The following HUWE1 variants were observed in gnomAD, a reference collection of about 807,000 sequenced individuals.
HUWE1 encodes E3 ubiquitin-protein ligase HUWE1.
A neutral mutation model predicts 299.4 loss-of-function variants in HUWE1; 18 were observed. The observed-to-expected ratio is 0.06, with a 90% CI of 0.04 to 0.09. The LOEUF is 0.09. Ranked by LOEUF, HUWE1 falls within the 10% of genes least tolerant of loss-of-function variation. The pLI, the probability that HUWE1 is intolerant of heterozygous loss-of-function variation, is 1.00. For missense variants in HUWE1, 1,832 were observed against 3,462.3 expected (o/e 0.53, Z 11.82); for synonymous variants, 1,317 against 1,286.1 (o/e 1.02, Z -0.51).
At chrX:53,607,114 A>C (rs2065193606) in intron 25 of HUWE1, among the ~76,000 whole-genome samples, 2 of 111,672 alleles carry the variant, frequency 1.8e-5, no homozygotes, top group Admixed American at 9.5e-5. Context: ...CTACATGTCA[A>C]TTATGCTTAA....
chrX:53,646,682 T>C (rs1277875748), intron 6 of HUWE1, among the ~76,000 whole-genome samples: 2 of 111,900 alleles, frequency 1.8e-5, no homozygotes, highest in African/African-American at 3.2e-5. Context: ...AGTTCAGTTA[T>C]CCCACTTCTT....
In HUWE1 at chrX:53,578,663, A is replaced by G. The variant is rs62617497; in HGVS notation, c.5717-1596T>C. 4.6e-3 allele frequency among the ~76,000 whole-genome samples: 299 copies of G among 65,046 alleles called. 3 individuals carry two copies. The highest frequency in any genetic ancestry group is 0.017 in the African/African-American group (271 of 16,233). 56.5% of individuals were successfully genotyped at this position (65,046 alleles called of 115,157 possible). A position where few individuals can be genotyped will look rare whatever the true frequency, so the allele number is the denominator to read the frequency against. On this transcript the variant is annotated intron_variant, in intron 43 of 83. Coordinates refer to ENST00000262854, the MANE Select transcript of HUWE1 (RefSeq NM_031407.7). ...AGCCCCCCGCCCGGCCAGCCGCCCC[A>G]TCCGGGAGGGAGGTGGGGGGATCAG...
intron 74 of HUWE1, among the ~76,000 whole-genome samples, chrX:53,540,513 G>C (rs1051967381): frequency 9.0e-6 from 1 of 111,490 alleles, no homozygotes. Flanking sequence ...ATTTTTAGTA[G>C]AGACTTGGTT....
intron 81 of HUWE1, among the ~76,000 whole-genome samples, 180 bp downstream of exon 81, chrX:53,535,204 G>C (rs1303604582): frequency 2.7e-5 from 3 of 111,881 alleles, no homozygotes; most frequent in Non-Finnish European, 5.6e-5. Flanking sequence ...CAAAGTGCTG[G>C]GATTATAGGT....
intron 33 of HUWE1, among the ~76,000 whole-genome samples, chrX:53,592,160 G>C (rs1279999308): frequency 8.9e-6 from 1 of 111,858 alleles, no homozygotes; most frequent in Non-Finnish European, 1.9e-5. Context: ...GCAGCAGGAG[G>C]CTACTGAGAA....
At chrX:53,562,402 G>A (rs2062337693) in intron 53 of HUWE1, among the ~76,000 whole-genome samples, 158 bp from the exon 54 acceptor site, 1 of 111,111 alleles carries the variant, frequency 9.0e-6, no homozygotes, top group African/African-American at 3.3e-5. Context: ...AGCCAGACCC[G>A]ATTTCCTGAG....
intron 42 of HUWE1, among the ~76,000 whole-genome samples, chrX:53,581,748 A>G (rs1387357029): frequency 8.9e-6 from 1 of 111,753 alleles, no homozygotes; most frequent in Non-Finnish European, 1.9e-5. Flanking sequence ...TAATTATAAA[A>G]TAATTTCCAT....
chrX:53,554,511 T>A, intron 61 of HUWE1, 122 bp downstream of exon 61: 1 of 700,691 alleles, frequency 1.4e-6, no homozygotes, highest in Non-Finnish European at 2.2e-6. Flanking sequence ...CAAGACGAGA[T>A]CTTATTATTT....
At chrX:53,611,214 G>C (rs1428591988) in intron 23 of HUWE1, among the ~76,000 whole-genome samples, 3 of 99,100 alleles carry the variant, frequency 3.0e-5, no homozygotes, top group Non-Finnish European at 6.1e-5. Context: ...AAAAAAGAAA[G>C]GGTAGTGTCT....
At chrX:53,573,153 C>A (rs1246766890) in intron 47 of HUWE1, among the ~76,000 whole-genome samples, 2 of 111,828 alleles carry the variant, frequency 1.8e-5, no homozygotes, top group Non-Finnish European at 3.8e-5. Context: ...CCTCTTCAAT[C>A]TCCACAATGC....
intron 19 of HUWE1, among the ~76,000 whole-genome samples, chrX:53,623,974 G>A (rs965599908): frequency 8.9e-6 from 1 of 112,306 alleles, no homozygotes; most frequent in Non-Finnish European, 1.9e-5. Context: ...TAAACAAAAT[G>A]TATGATAATG....
chrX:53,637,006 C>T (rs1603226686), intron 7 of HUWE1, among the ~76,000 whole-genome samples: 1 of 112,342 alleles, frequency 8.9e-6, no homozygotes, highest in South Asian at 3.7e-4. Flanking sequence ...TGCAGTTATA[C>T]TTTCTTTCAA....
At chrX:53,576,729 CTA>C (rs2063123250) in intron 44 of HUWE1, among the ~76,000 whole-genome samples, 169 bp downstream of exon 44, 1 of 112,310 alleles carries the variant, frequency 8.9e-6, no homozygotes, top group Admixed American at 9.4e-5. Context: ...GTATGTCATA[CTA>C]TATGACTATT....
chrX:53,634,001 T>G (rs1285043441), intron 8 of HUWE1, among the ~76,000 whole-genome samples: 1 of 111,519 alleles, frequency 9.0e-6, no homozygotes, highest in African/African-American at 3.3e-5. Context: ...GAACTGGGTA[T>G]GAACACACAC....
intron 43 of HUWE1, among the ~76,000 whole-genome samples, chrX:53,577,854 C>T (rs1185374017): frequency 2.4e-4 from 24 of 98,445 alleles, no homozygotes; most frequent in South Asian, 4.3e-4. Flanking sequence ...AGTGCAGTGG[C>T]GTGATCTCGG....
In HUWE1 at chrX:53,645,481, G is replaced by T. The variant is rs782024100; in HGVS notation, c.352-18C>A. Reference sequence around the variant, plus strand: ...GTCAAATGCTAAAGGGACAAAAAAGGGCAAAGCTCAAGGTATCAGGCACAA... The same window carrying T: ...GTCAAATGCTAAAGGGACAAAAAAGTGCAAAGCTCAAGGTATCAGGCACAA... On this transcript the variant is annotated intron_variant, in intron 6 of 83. Transcript: ENST00000262854. 1 of 1,206,810 alleles carries T rather than the reference G, an allele frequency of 8.3e-7. No homozygotes were observed. Among genetic ancestry groups the T allele is most frequent in the Admixed American group, 2.2e-5 (1 of 45,840 alleles).
intron 3 of HUWE1, among the ~76,000 whole-genome samples, chrX:53,672,083 A>G (rs1440496338): frequency 2.7e-5 from 3 of 110,821 alleles, no homozygotes; most frequent in Non-Finnish European, 5.7e-5. Flanking sequence ...AGGGGTCAAT[A>G]TGTGGGAAGA....
intron 68 of HUWE1, 88 bp from the exon 69 acceptor site, chrX:53,546,913 C>T (rs2061561884): frequency 1.9e-6 from 2 of 1,073,171 alleles, no homozygotes; most frequent in Admixed American, 2.6e-5. Flanking sequence ...CGCTGAATTG[C>T]CCAGGGCTTC....
chrX:53,566,603 T>C (rs1025156709), intron 49 of HUWE1, among the ~76,000 whole-genome samples: 8 of 111,161 alleles, frequency 7.2e-5, no homozygotes, highest in Admixed American at 5.7e-4. Context: ...ACTACAGGCG[T>C]ACATGTCCAG....
Sources: allele counts gnomAD v4.1 joint callset (sites outside exome capture counted in the v4.1 genomes callset), GRCh38; gene constraint gnomAD v4.1.1; transcripts MANE v1.5; gene names NCBI Gene and HGNC (gene_info 2026-07-23, HGNC 2026-07-21).